Variants in PAK5 observed in about 807,000 individuals in gnomAD.
The protein encoded by PAK5 is serine/threonine-protein kinase PAK 5.
In PAK5, 16 loss-of-function variants were observed where a neutral mutation model predicts 65.9. That is an observed-to-expected ratio of 0.24 (90% confidence interval 0.16 to 0.37). The LOEUF is 0.37. Among genes scored for constraint, PAK5 ranks in the 10% least tolerant of loss-of-function variants. The pLI is 1.00. For synonymous variants in PAK5, 371 were observed against 354.9 expected (o/e 1.05, Z -0.51); for missense variants, 785 against 903.9 (o/e 0.87, Z 1.69).
chr20:9,807,762 A>AAATAATAAT (rs71184158), intron 1 of PAK5, among the ~76,000 whole-genome samples: 10,706 of 142,216 alleles, frequency 0.075, 515 homozygotes, highest in African/African-American at 0.13. Flanking sequence ...AGCAAAAAAT[A>AAATAATAAT]AATAATAATA....
intron 1 of PAK5, among the ~76,000 whole-genome samples, chr20:9,749,770 T>C (rs1413184831): frequency 6.6e-6 from 1 of 152,186 alleles, no homozygotes; most frequent in Non-Finnish European, 1.5e-5. Flanking sequence ...ATTGCTTCCT[T>C]CATCAGGAAA....
At chr20:9,692,818 T>C (rs908272169) in intron 2 of PAK5, among the ~76,000 whole-genome samples, 6 of 152,140 alleles carry the variant, frequency 3.9e-5, no homozygotes, top group African/African-American at 1.4e-4. Flanking sequence ...GCTTGGCAGC[T>C]GTGTGAGCCT....
At chr20:9,747,864 G>C (rs1443862838) in intron 1 of PAK5, among the ~76,000 whole-genome samples, 1 of 149,904 alleles carries the variant, frequency 6.7e-6, no homozygotes. Flanking sequence ...GGAAATAAAG[G>C]GTATTCAATT....
intron 1 of PAK5, among the ~76,000 whole-genome samples, chr20:9,811,279 T>C (rs755578062): frequency 2.0e-5 from 3 of 152,138 alleles, no homozygotes; most frequent in African/African-American, 4.8e-5. Context: ...AGTTCTCCTA[T>C]GGATGCCACT....
chr20:9,766,345 CTACT>C (rs1347952963), intron 1 of PAK5, among the ~76,000 whole-genome samples: 1,267 of 37,384 alleles, frequency 0.034, 329 homozygotes, highest in East Asian at 0.16. Flanking sequence ...TATATATATT[CTACT>C]TACTTGAATA....
At chr20:9,740,426 A>G (rs1249654931) in intron 1 of PAK5, among the ~76,000 whole-genome samples, 1 of 152,142 alleles carries the variant, frequency 6.6e-6, no homozygotes, top group Non-Finnish European at 1.5e-5. Flanking sequence ...TAGATTTGGT[A>G]ATGCCTCCAT....
intron 1 of PAK5, among the ~76,000 whole-genome samples, chr20:9,741,706 G>A (rs1401942660): frequency 6.6e-6 from 1 of 152,104 alleles, no homozygotes; most frequent in African/African-American, 2.4e-5. Flanking sequence ...GAAAATGTTA[G>A]GCTCTATCAT....
chr20:9,676,599 G>C (rs1020724208), intron 2 of PAK5, among the ~76,000 whole-genome samples: 1 of 152,274 alleles, frequency 6.6e-6, no homozygotes, highest in African/African-American at 2.4e-5. Context: ...GTGAGATAGA[G>C]GGAGAAAGGG....
At chr20:9,691,222 C>T (rs935145001) in intron 2 of PAK5, among the ~76,000 whole-genome samples, 37 of 152,108 alleles carry the variant, frequency 2.4e-4, no homozygotes, top group African/African-American at 8.2e-4. Flanking sequence ...GTGTTTCAAA[C>T]GCAGGGGTCC....
chr20:9,638,262 A>G (rs2047006577), intron 3 of PAK5, among the ~76,000 whole-genome samples: 1 of 152,242 alleles, frequency 6.6e-6, no homozygotes. Context: ...AAATGACATT[A>G]GATATAAAAG....
intron 1 of PAK5, among the ~76,000 whole-genome samples, chr20:9,813,253 T>C (rs1487784971): frequency 1.3e-5 from 2 of 151,944 alleles, no homozygotes; most frequent in Non-Finnish European, 2.9e-5. Flanking sequence ...GAAGAAGTGG[T>C]AGAGAGGGAC....
intron 1 of PAK5, among the ~76,000 whole-genome samples, chr20:9,763,070 T>C (rs1038841812): frequency 3.3e-5 from 5 of 151,988 alleles, no homozygotes; most frequent in Non-Finnish European, 5.9e-5. Flanking sequence ...ATAGGCATAA[T>C]CATGGAAGCA....
intron 3 of PAK5, among the ~76,000 whole-genome samples, chr20:9,595,272 TG>T (rs911166999): frequency 6.6e-6 from 1 of 152,192 alleles, no homozygotes; most frequent in African/African-American, 2.4e-5. Context: ...AGGGCACCTC[TG>T]GACATTATGC....
chr20:9,542,424 G>A (rs539095334), intron 9 of PAK5, among the ~76,000 whole-genome samples, 162 bp downstream of exon 9: 7 of 152,196 alleles, frequency 4.6e-5, no homozygotes, highest in Admixed American at 3.3e-4. Flanking sequence ...CCCAGTAAAC[G>A]AATAGAAGAA....
At chr20:9,551,888 G>A (rs553381897) in intron 7 of PAK5, among the ~76,000 whole-genome samples, 3 of 152,174 alleles carry the variant, frequency 2.0e-5, no homozygotes, top group African/African-American at 7.2e-5. Context: ...GAACGTTATG[G>A]AAAAAGCAGA....
chr20:9,666,318 C>T (rs1198641144), intron 2 of PAK5, among the ~76,000 whole-genome samples: 1 of 149,410 alleles, frequency 6.7e-6, no homozygotes, highest in South Asian at 2.2e-4. Flanking sequence ...TAATAGCAAG[C>T]TGGAGTCCAG....
chr20:9,746,871 CT>C (rs756188973), intron 1 of PAK5, among the ~76,000 whole-genome samples: 34 of 152,044 alleles, frequency 2.2e-4, no homozygotes, highest in Non-Finnish European at 4.6e-4. Flanking sequence ...ACGAAAAACC[CT>C]TCAAAAAATT....
At chr20:9,554,018 T>C (rs2045469899) in intron 7 of PAK5, among the ~76,000 whole-genome samples, 1 of 152,250 alleles carries the variant, frequency 6.6e-6, no homozygotes, top group African/African-American at 2.4e-5. Flanking sequence ...TTAGTCATTC[T>C]TAAATGTGTG....
chr20:9,819,117 T>C (rs17412657), intron 1 of PAK5, among the ~76,000 whole-genome samples: 14,553 of 152,264 alleles, frequency 0.096, 924 homozygotes, highest in Middle Eastern at 0.17. Context: ...TACCTTGTAA[T>C]GACAATATGT....
Sources: allele counts gnomAD v4.1 joint callset (sites outside exome capture counted in the v4.1 genomes callset), GRCh38; gene constraint gnomAD v4.1.1; transcripts MANE v1.5; gene names NCBI Gene and HGNC (gene_info 2026-07-23, HGNC 2026-07-21).